The following GRAMD4 variants were observed in gnomAD, a reference collection of about 807,000 sequenced individuals.
The protein encoded by GRAMD4 is GRAM domain containing 4, also known as GRAM domain-containing protein 4.
A neutral mutation model predicts 83.9 loss-of-function variants in GRAMD4; 25 were observed. That is an observed-to-expected ratio of 0.30 (90% CI 0.22 to 0.42). The LOEUF is 0.42. Among genes scored for constraint, GRAMD4 ranks in the 10% least tolerant of loss-of-function variants. GRAMD4 has a pLI of 1.00. For synonymous variants in GRAMD4, 336 were observed against 320.9 expected (o/e 1.05, Z -0.50); for missense variants, 593 against 788.7 (o/e 0.75, Z 2.97).
rs1209015167 is a variant in GRAMD4 at position 46,665,809 on chromosome 22, C to T, written c.809+103C>T. The T allele has an allele frequency of 1.6e-5, 11 of 687,926 alleles. No homozygotes were observed. In the East Asian group the frequency reaches 2.2e-4, roughly 14 times the overall value. 42.6% of individuals were successfully genotyped at this position (687,926 alleles called of 1,614,324 possible). On this transcript the variant is annotated intron_variant, in intron 9 of 18. Coordinates refer to ENST00000406902, the MANE Select transcript of GRAMD4 (RefSeq NM_015124.5). Reference sequence around the variant, plus strand: ...TGACCCCAGCTGGGTATGTCATGCACTGACGTTTTGGGGGTGGTCCCCTGA... The same window carrying T: ...TGACCCCAGCTGGGTATGTCATGCATTGACGTTTTGGGGGTGGTCCCCTGA...
rs949879229 is a variant in GRAMD4, at chr22:46,679,443, C to G, written c.*2192C>G. The G allele has an allele frequency of 4.0e-5, 39 of 985,434 alleles. No individual in the cohort carries two copies. In the Middle Eastern group the frequency reaches 2.6e-3, roughly 65 times the overall value. 61.0% of individuals were successfully genotyped at this position (985,434 alleles called of 1,614,324 possible). ...CAGCACAGGCCCCTCCCTGGAAGTCCTCGGGAGCGGAGCGCGGATCGGCAC... is the reference window on the plus strand; with the variant it reads ...CAGCACAGGCCCCTCCCTGGAAGTCGTCGGGAGCGGAGCGCGGATCGGCAC... On this transcript the variant is annotated 3_prime_UTR_variant, in exon 19 of 19. Coordinates refer to ENST00000406902, the MANE Select transcript of GRAMD4 (RefSeq NM_015124.5).
chr22:46,608,468 C>T (rs1422634858), intron 1 of GRAMD4, among the ~76,000 whole-genome samples: 2 of 152,164 alleles, frequency 1.3e-5, no homozygotes, highest in Admixed American at 6.5e-5. Context: ...CACCCGAGGT[C>T]GGGAGTTGGA....
intron 8 of GRAMD4, among the ~76,000 whole-genome samples, chr22:46,665,186 G>C (rs1028694656): frequency 1.3e-5 from 2 of 152,212 alleles, no homozygotes; most frequent in African/African-American, 4.8e-5. Flanking sequence ...TCTGCTCTGC[G>C]TCCCGGGCTC....
chr22:46,640,923 A>G (rs1281534604), intron 3 of GRAMD4, among the ~76,000 whole-genome samples: 2 of 152,118 alleles, frequency 1.3e-5, no homozygotes, highest in Non-Finnish European at 2.9e-5. Context: ...TTTAAAAACA[A>G]AAGCCACGAG....
intron 13 of GRAMD4, 24 bp downstream of exon 13, chr22:46,668,932 G>A (rs370228770): frequency 4.4e-6 from 6 of 1,350,864 alleles, no homozygotes; most frequent in Non-Finnish European, 6.4e-6. Flanking sequence ...CCTGCGGCCT[G>A]TAGCTTCAGG....
intron 5 of GRAMD4, 104 bp from the exon 6 acceptor site, chr22:46,662,936 G>A (rs1315540723): frequency 1.9e-5 from 20 of 1,065,032 alleles, no homozygotes; most frequent in East Asian, 1.5e-4. Flanking sequence ...TCTGCTGGCC[G>A]CGCCCTTGCA....
upstream of GRAMD4, among the ~76,000 whole-genome samples, chr22:46,619,623 T>G (rs1217156572): frequency 6.6e-6 from 1 of 152,132 alleles, no homozygotes; most frequent in Non-Finnish European, 1.5e-5. Context: ...AACCAGGCCT[T>G]CTTTGCTGGC....
Position 46,674,108 on chromosome 22 carries a change from G to A in GRAMD4, c.1384+294G>A, listed in dbSNP as rs138838574. ...GGAGAGAGTCCAGGGCGAGGCCTCAGGGCCTGCAGGGCGCTGGCAGGGGGT... is the reference window on the plus strand; with the variant it reads ...GGAGAGAGTCCAGGGCGAGGCCTCAAGGCCTGCAGGGCGCTGGCAGGGGGT... On this transcript the variant is annotated intron_variant, in intron 15 of 18. Transcript: ENST00000406902. Among the ~76,000 whole-genome samples the A allele has an allele frequency of 1.4e-3, 215 of 152,354 alleles. 1 individual carries two copies. The highest frequency in any genetic ancestry group is 4.8e-3 in the African/African-American group (199 of 41,590).
intron 3 of GRAMD4, among the ~76,000 whole-genome samples, chr22:46,643,122 TGC>T: frequency 1.1e-5 from 1 of 90,262 alleles, no homozygotes; most frequent in Non-Finnish European, 2.4e-5. Context: ...CATCCATCCA[TGC>T]ATCCATCCAT....
intron 1 of GRAMD4, among the ~76,000 whole-genome samples, chr22:46,603,752 C>T (rs954725745): frequency 1.2e-4 from 17 of 145,850 alleles, no homozygotes; most frequent in African/African-American, 3.8e-4. Flanking sequence ...TCCTGACCTC[C>T]TGATCCGCCC....
chr22:46,614,066 C>A (rs1430510038), intron 1 of GRAMD4, among the ~76,000 whole-genome samples: 1 of 152,182 alleles, frequency 6.6e-6, no homozygotes, highest in Non-Finnish European at 1.5e-5. Context: ...TGTGAGTTGG[C>A]CGTTAATAAA....
chr22:46,669,072 C>T (rs567130057), intron 13 of GRAMD4, among the ~76,000 whole-genome samples, 164 bp downstream of exon 13: 34 of 152,202 alleles, frequency 2.2e-4, no homozygotes, highest in African/African-American at 6.3e-4. Flanking sequence ...GAAGCCCATC[C>T]GAGATCGAGG....
At chr22:46,634,870 G>C (rs1236161118) in intron 2 of GRAMD4, among the ~76,000 whole-genome samples, 1 of 151,880 alleles carries the variant, frequency 6.6e-6, no homozygotes, top group African/African-American at 2.4e-5. Flanking sequence ...TTGAACCTGG[G>C]AGGTAGAGGT....
rs1290032600 is a variant in GRAMD4, at chr22:46,641,045, G to A, written c.283+3085G>A. Among the ~76,000 whole-genome samples, 6 of 151,888 alleles carry A rather than the reference G, an allele frequency of 4.0e-5. No individual in the cohort carries two copies. The East Asian group carries it at 1.2e-3, about 29-fold the overall frequency. ...CGAGCCGCTGCACTCCAGCCCGGAT[G>A]ACAGAGCGAGACCCCATCTCTTAAT... On this transcript the variant is annotated intron_variant, in intron 3 of 18. Coordinates refer to ENST00000406902, the MANE Select transcript of GRAMD4 (RefSeq NM_015124.5).
chr22:46,652,251 G>A (rs1190758561), intron 3 of GRAMD4, among the ~76,000 whole-genome samples: 1 of 152,152 alleles, frequency 6.6e-6, no homozygotes, highest in Non-Finnish European at 1.5e-5. Flanking sequence ...GTCAGAGGAG[G>A]CCATGTGAGG....
intron 1 of GRAMD4, among the ~76,000 whole-genome samples, chr22:46,586,495 G>A (rs1306150286): frequency 1.3e-5 from 2 of 152,120 alleles, no homozygotes; most frequent in Non-Finnish European, 2.9e-5. Flanking sequence ...CCCAGACTGG[G>A]GGAGCCAGGC....
upstream of GRAMD4, among the ~76,000 whole-genome samples, chr22:46,616,393 C>T (rs77987296): frequency 0.83 from 42,369 of 51,350 alleles, 17,345 homozygotes; most frequent in East Asian, 0.95. Flanking sequence ...TTCCCCTGTG[C>T]GTGTAGGTTC....
intron 3 of GRAMD4, among the ~76,000 whole-genome samples, chr22:46,642,624 G>A (rs896653024): frequency 6.6e-6 from 1 of 152,166 alleles, no homozygotes; most frequent in Admixed American, 6.5e-5. Flanking sequence ...CCACTAGAAA[G>A]GTACAGATTA....
intron 1 of GRAMD4, among the ~76,000 whole-genome samples, chr22:46,599,491 G>A (rs1414769700): frequency 1.3e-5 from 2 of 151,726 alleles, no homozygotes; most frequent in Admixed American, 1.3e-4. Context: ...GCTAATTTTT[G>A]TATTTTTGTA....
Sources: allele counts gnomAD v4.1 joint callset (sites outside exome capture counted in the v4.1 genomes callset), GRCh38; gene constraint gnomAD v4.1.1; transcripts MANE v1.5; gene names NCBI Gene and HGNC (gene_info 2026-07-23, HGNC 2026-07-21).